Variants in SAMD5 observed in about 807,000 individuals in gnomAD.
SAMD5 encodes sterile alpha motif domain-containing protein 5.
SAMD5 carries 13 observed loss-of-function variants against 11.3 expected under a neutral mutation model. That is an observed-to-expected ratio of 1.15 (90% CI 0.75 to 1.83). The LOEUF is 1.83. SAMD5 is among the 40% of genes most tolerant of loss of function. The pLI is 0.00. For synonymous variants in SAMD5, 129 were observed against 111.3 expected, an observed-to-expected ratio of 1.16 and a Z score of -1.00; for missense variants, 255 against 239.1, an observed-to-expected ratio of 1.07 and a Z score of -0.44.
At chr6:147,847,169 T>TCCTTCCTC in the SAMD5 span, among the ~76,000 whole-genome samples, 10 of 152,268 alleles carry the variant, frequency 6.6e-5, no homozygotes, top group South Asian at 1.0e-3. Context: ...TCTTCCTCCT[T>TCCTTCCTC]CCTTCCTCCC....
chr6:147,531,611 C>G (rs1264175958), intron 1 of SAMD5, among the ~76,000 whole-genome samples: 3 of 152,164 alleles, frequency 2.0e-5, no homozygotes, highest in Non-Finnish European at 4.4e-5. Flanking sequence ...ACAAACCTAT[C>G]AACCAACATT....
At chr6:147,835,619 A>G in the SAMD5 span, among the ~76,000 whole-genome samples, 1 of 152,078 alleles carries the variant, frequency 6.6e-6, no homozygotes, top group Non-Finnish European at 1.5e-5. Context: ...CCCGAGGACC[A>G]TTCCTCGACT....
chr6:147,521,162 G>A (rs559416886), intron 1 of SAMD5, among the ~76,000 whole-genome samples: 5 of 151,906 alleles, frequency 3.3e-5, no homozygotes, highest in Admixed American at 1.3e-4. Context: ...AAAATGTCAC[G>A]TTTGAGAAGT....
Position 147,566,972 on chromosome 6 carries a change from G to A in SAMD5, c.*2516G>A. 1.2e-6 allele frequency: 1 copy of A among 833,682 alleles called. No homozygotes were observed. Among genetic ancestry groups the A allele is most frequent in the Non-Finnish European group, 1.4e-6 (1 of 691,956 alleles). 51.6% of individuals were successfully genotyped at this position (833,682 alleles called of 1,614,324 possible). ...TACTTAATTTTTGAATATAAAAGAA[G>A]TAGCAATTGACTAAGAATAAATATG... On this transcript the variant is annotated 3_prime_UTR_variant, in exon 2 of 2. Coordinates refer to ENST00000367474, the MANE Select transcript of SAMD5 (RefSeq NM_001030060.3).
At chr6:147,845,628 A>T in the SAMD5 span, among the ~76,000 whole-genome samples, 1 of 152,190 alleles carries the variant, frequency 6.6e-6, no homozygotes, top group Non-Finnish European at 1.5e-5. Flanking sequence ...GTACCTGAAA[A>T]GATGATCAAC....
In SAMD5 at chr6:147,564,914, A is replaced by G. The variant is rs368804110; in HGVS notation, c.*458A>G. 1.3e-5 allele frequency: 11 copies of G among 837,346 alleles called. No individual in the cohort carries two copies. In the East Asian group the frequency reaches 1.1e-3, roughly 85 times the overall value. The allele number at this position is 837,346 out of a possible 1,614,324, so 51.9% of individuals were successfully genotyped here. ...GTAGCTTTAATTTTTATATTCAAGC[A>G]TACATTCTACTTCATTTCATATAGG... On this transcript the variant is annotated 3_prime_UTR_variant, in exon 2 of 2. Transcript: ENST00000367474.
the SAMD5 span, among the ~76,000 whole-genome samples, chr6:147,935,299 A>G: frequency 6.6e-6 from 1 of 152,144 alleles, no homozygotes; most frequent in African/African-American, 2.4e-5. Context: ...GTGATATCAT[A>G]TGGCCTTGAA....
chr6:147,828,183 C>G, the SAMD5 span, among the ~76,000 whole-genome samples: 1 of 152,094 alleles, frequency 6.6e-6, no homozygotes, highest in African/African-American at 2.4e-5. Flanking sequence ...AACTCCTGAT[C>G]ATTGCTCAAT....
chr6:147,867,422 GA>G, the SAMD5 span, among the ~76,000 whole-genome samples: 27 of 151,604 alleles, frequency 1.8e-4, no homozygotes, highest in Admixed American at 7.2e-4. Context: ...TTGGTGGAAA[GA>G]TTTTTTTTCT....
the SAMD5 span, among the ~76,000 whole-genome samples, chr6:147,756,676 A>G: frequency 6.6e-6 from 1 of 152,216 alleles, no homozygotes; most frequent in African/African-American, 2.4e-5. Context: ...GCGAGACTGA[A>G]TTGACATTAA....
chr6:147,901,124 T>C, the SAMD5 span, among the ~76,000 whole-genome samples: 1 of 152,344 alleles, frequency 6.6e-6, no homozygotes, highest in South Asian at 2.1e-4. Context: ...CTCAATTTTT[T>C]CATCTCTAAA....
At chr6:147,534,236 G>A (rs1788473434) in intron 1 of SAMD5, among the ~76,000 whole-genome samples, 1 of 152,202 alleles carries the variant, frequency 6.6e-6, no homozygotes. Context: ...TTTCTGCTGG[G>A]TGAAGTGAGA....
the SAMD5 span, among the ~76,000 whole-genome samples, chr6:147,892,954 T>G: frequency 1.7e-3 from 254 of 152,312 alleles, no homozygotes; most frequent in African/African-American, 5.8e-3. Flanking sequence ...GGCTCATGCC[T>G]GTAATCTCAG....
At chr6:147,570,118 T>G, downstream of SAMD5, 1 of 659,616 alleles carries the variant, frequency 1.5e-6, no homozygotes, top group Non-Finnish European at 1.9e-6. Context: ...ATTTATGGTA[T>G]GCATTATGGT....
At chr6:147,793,709 C>A in the SAMD5 span, among the ~76,000 whole-genome samples, 267 of 152,234 alleles carry the variant, frequency 1.8e-3, 1 homozygote, top group Non-Finnish European at 2.3e-3. Context: ...TGAATACATA[C>A]ATTTTTATAA....
chr6:147,851,475 G>T, the SAMD5 span, among the ~76,000 whole-genome samples: 474 of 152,250 alleles, frequency 3.1e-3, 3 homozygotes, highest in African/African-American at 0.011. Flanking sequence ...CTATTTCACA[G>T]AATCATCTTT....
intron 1 of SAMD5, among the ~76,000 whole-genome samples, chr6:147,663,208 G>A (rs1790670427): frequency 5.3e-5 from 8 of 152,282 alleles, no homozygotes; most frequent in Admixed American, 5.2e-4. Context: ...GTTTCTGCCA[G>A]TGTCAAACAC....
chr6:147,928,497 G>T, the SAMD5 span, among the ~76,000 whole-genome samples: 1 of 151,926 alleles, frequency 6.6e-6, no homozygotes, highest in African/African-American at 2.4e-5. Context: ...TTATTTCTGT[G>T]GCATCCGTGG....
chr6:147,551,888 C>T (rs1184271203), intron 1 of SAMD5, among the ~76,000 whole-genome samples: 3 of 119,678 alleles, frequency 2.5e-5, no homozygotes, highest in Non-Finnish European at 3.4e-5. Flanking sequence ...TATTTTTAAA[C>T]CTGAAAAACC....
Sources: gnomAD v4.1 joint callset for allele counts (sites outside exome capture counted in the v4.1 genomes callset) on GRCh38, gnomAD v4.1.1 for gene constraint, MANE v1.5 for transcripts, NCBI Gene and HGNC (gene_info 2026-07-23, HGNC 2026-07-21) for gene names.